The following DCC variants were observed in gnomAD, a reference collection of about 807,000 sequenced individuals.
The protein encoded by DCC is netrin receptor DCC.
DCC carries 58 observed loss-of-function variants against 172.5 expected under a neutral mutation model. The observed-to-expected ratio is 0.34, with a 90% CI of 0.27 to 0.42. The LOEUF is 0.42. Ranked by LOEUF, DCC falls within the 10% of genes least tolerant of loss-of-function variation. The pLI is 1.00. For synonymous variants in DCC, 709 were observed against 644.5 expected (o/e 1.10, Z -1.52); for missense variants, 1,740 against 1,791.0 (o/e 0.97, Z 0.51).
At chr18:52,894,984 C>T (rs2039707218) in intron 2 of DCC, among the ~76,000 whole-genome samples, 1 of 152,164 alleles carries the variant, frequency 6.6e-6, no homozygotes, top group Non-Finnish European at 1.5e-5. Context: ...AATTAGTCAC[C>T]ACACTGACTG....
At chr18:52,818,526 C>T (rs1191517575) in intron 2 of DCC, among the ~76,000 whole-genome samples, 1 of 151,634 alleles carries the variant, frequency 6.6e-6, no homozygotes, top group African/African-American at 2.4e-5. Flanking sequence ...ATCATGAATC[C>T]TATTCATAGT....
intron 26 of DCC, among the ~76,000 whole-genome samples, chr18:53,497,401 G>C (rs1430061029): frequency 6.6e-6 from 1 of 152,204 alleles, no homozygotes; most frequent in Non-Finnish European, 1.5e-5. Flanking sequence ...CCTGTGGTTG[G>C]AAGGAATTGC....
chr18:53,487,398 C>T (rs1230553092), intron 26 of DCC, among the ~76,000 whole-genome samples: 1 of 151,970 alleles, frequency 6.6e-6, no homozygotes, highest in Admixed American at 6.6e-5. Flanking sequence ...ACTTTTTCAG[C>T]TTTAAAAATT....
chr18:53,402,847 C>T lies in DCC; in HGVS notation c.2889C>T (p.Val963=). The stretch of plus-strand genomic sequence containing the variant: ...CTAGGGAAGGGAAGCCTCGTGCCGT[C>T]ATTGTGAGTTGGCAGCCTCCCTTGG... ...VITREGKPRA[V]IVSWQPPLEA... is the part of the protein sequence containing the mutation. Residue 963 remains valine (V), a synonymous_variant, in exon 19 of 29, where the codon GTC becomes GTT. Coordinates refer to ENST00000442544, the MANE Select transcript of DCC (RefSeq NM_005215.4). 6.2e-7 allele frequency: 1 copy of T among 1,614,088 alleles called. No homozygotes were observed. Among genetic ancestry groups the T allele is most frequent in the South Asian group, 1.1e-5 (1 of 91,070 alleles).
intron 1 of DCC, among the ~76,000 whole-genome samples, chr18:52,403,969 C>A (rs968433394): frequency 5.9e-5 from 9 of 152,124 alleles, no homozygotes; most frequent in Middle Eastern, 3.4e-3. Flanking sequence ...TAAGCATTAA[C>A]CCTCCTGGTG....
At chr18:52,820,474 AC>A (rs1381118008) in intron 2 of DCC, among the ~76,000 whole-genome samples, 9 of 151,174 alleles carry the variant, frequency 6.0e-5, no homozygotes, top group African/African-American at 2.2e-4. Context: ...TGTTTTTGTA[AC>A]CTAGCCATAC....
intron 2 of DCC, among the ~76,000 whole-genome samples, chr18:52,753,000 C>CATAT (rs142542852): frequency 2.9e-4 from 43 of 150,760 alleles, no homozygotes; most frequent in African/African-American, 1.0e-3. Flanking sequence ...CACACACACA[C>CATAT]ATATATATAT....
chr18:52,735,902 G>C (rs538448207), intron 1 of DCC, among the ~76,000 whole-genome samples: 1 of 152,048 alleles, frequency 6.6e-6, no homozygotes, highest in South Asian at 2.1e-4. Flanking sequence ...TGACAAAGAG[G>C]TTTCAATACC....
intron 7 of DCC, among the ~76,000 whole-genome samples, chr18:53,141,905 A>G (rs780664601): frequency 2.6e-5 from 4 of 152,174 alleles, no homozygotes; most frequent in Non-Finnish European, 4.4e-5. Flanking sequence ...TTGAACACCA[A>G]GCTACCTGTG....
At chr18:52,484,265 G>A (rs567780294) in intron 1 of DCC, among the ~76,000 whole-genome samples, 4 of 152,168 alleles carry the variant, frequency 2.6e-5, no homozygotes, top group Admixed American at 2.6e-4. Context: ...GAGTACAGTA[G>A]AGCTTTGTCT....
chr18:52,525,177 C>A (rs1039474156), intron 1 of DCC, among the ~76,000 whole-genome samples: 1 of 152,090 alleles, frequency 6.6e-6, no homozygotes, highest in Non-Finnish European at 1.5e-5. Flanking sequence ...GAAGCTGTCT[C>A]TGTGGTCCTG....
At chr18:52,429,361 C>T (rs1393765545) in intron 1 of DCC, among the ~76,000 whole-genome samples, 2 of 152,006 alleles carry the variant, frequency 1.3e-5, no homozygotes, top group African/African-American at 4.8e-5. Flanking sequence ...TGTCTTTCTG[C>T]TAATAGACAT....
At chr18:53,279,340 C>T (rs1240873566) in intron 12 of DCC, among the ~76,000 whole-genome samples, 2 of 151,826 alleles carry the variant, frequency 1.3e-5, no homozygotes, top group African/African-American at 4.8e-5. Context: ...AGTTCATGTC[C>T]TTTGTAGGGA....
intron 12 of DCC, among the ~76,000 whole-genome samples, chr18:53,244,661 G>T (rs962395886): frequency 3.3e-5 from 5 of 152,024 alleles, no homozygotes; most frequent in Admixed American, 6.6e-5. Context: ...TCTCCACGTG[G>T]CCTCTCCTTG....
chr18:52,849,914 A>G (rs1027342743), intron 2 of DCC, among the ~76,000 whole-genome samples: 17 of 152,318 alleles, frequency 1.1e-4, no homozygotes, highest in African/African-American at 4.1e-4. Context: ...CCAAGCCCAG[A>G]AATAATGTCT....
intron 4 of DCC, among the ~76,000 whole-genome samples, chr18:52,924,972 TCA>T (rs2040178894): frequency 1.6e-5 from 2 of 123,670 alleles, no homozygotes; most frequent in African/African-American, 2.9e-5. Flanking sequence ...AGATTATCTA[TCA>T]TTTTTTTTTT....
chr18:53,260,258 C>T (rs545834626), intron 12 of DCC, among the ~76,000 whole-genome samples: 1 of 152,294 alleles, frequency 6.6e-6, no homozygotes, highest in East Asian at 1.9e-4. Context: ...AGCTGCATTC[C>T]TTTAGAGGAG....
At chr18:53,365,563 A>G (rs141601070) in intron 15 of DCC, among the ~76,000 whole-genome samples, 9 of 152,268 alleles carry the variant, frequency 5.9e-5, no homozygotes, top group African/African-American at 1.9e-4. Context: ...TTTTGAAGAT[A>G]TCTGTCCAAA....
intron 2 of DCC, among the ~76,000 whole-genome samples, chr18:52,811,473 A>G (rs1030954917): frequency 2.0e-5 from 3 of 152,236 alleles, no homozygotes; most frequent in African/African-American, 7.2e-5. Flanking sequence ...AATAACTTAT[A>G]TAAATTAATG....
Sources: gnomAD v4.1 joint callset for allele counts (sites outside exome capture counted in the v4.1 genomes callset) on GRCh38, gnomAD v4.1.1 for gene constraint, MANE v1.5 for transcripts, NCBI Gene and HGNC (gene_info 2026-07-23, HGNC 2026-07-21) for gene names.